CFAP299: variants seen among roughly 807,000 people sequenced by gnomAD.
CFAP299 encodes the protein cilia and flagella associated protein 299, also known as cilia- and flagella-associated protein 299.
CFAP299 carries 21 observed loss-of-function variants against 27.0 expected under a neutral mutation model. That is an observed-to-expected ratio of 0.78 (90% CI 0.55 to 1.12). The LOEUF (loss-of-function observed/expected upper bound fraction) is 1.12. CFAP299 is among the 50% of genes most tolerant of loss of function. The probability of loss-of-function intolerance (pLI) is 0.00; values close to 1 mark genes in which losing one functional copy is unlikely to be tolerated. For missense variants in CFAP299, 310 were observed against 276.6 expected, an observed-to-expected ratio of 1.12 and a Z score of -0.86; for synonymous variants, 104 against 98.1, an observed-to-expected ratio of 1.06 and a Z score of -0.36.
intron 3 of CFAP299, among the ~76,000 whole-genome samples, chr4:80,604,892 G>GA (rs56306966): frequency 0.01 from 1,522 of 145,670 alleles, 29 homozygotes; most frequent in African/African-American, 0.034. Flanking sequence ...TATAATACCA[G>GA]AAAAAAAAAA....
rs561587010 is a variant in CFAP299 at position 80,860,310 on chromosome 4, G to A, written c.334-9683G>A. Among the ~76,000 whole-genome samples the A allele has an allele frequency of 4.7e-3, 722 of 152,056 alleles. 8 individuals are homozygous for A. The highest frequency in any genetic ancestry group is 7.5e-3 in the Non-Finnish European group (510 of 68,002). On this transcript the variant is annotated intron_variant, in intron 3 of 5. Coordinates refer to ENST00000358105, the MANE Select transcript of CFAP299 (RefSeq NM_152770.3). ...TATTGGTTATTCTAGTTATACATTC[G>A]TCTAAATTTTTTTCAAAGTTTTTAA...
chr4:80,807,116 A>G (rs1471921074), intron 3 of CFAP299, among the ~76,000 whole-genome samples: 1 of 152,162 alleles, frequency 6.6e-6, no homozygotes, highest in Non-Finnish European at 1.5e-5. Flanking sequence ...ATGAACAGAA[A>G]TCTGCAGGTT....
intron 3 of CFAP299, among the ~76,000 whole-genome samples, chr4:80,837,222 C>T (rs1010892389): frequency 5.3e-5 from 8 of 152,018 alleles, no homozygotes; most frequent in Non-Finnish European, 1.0e-4. Flanking sequence ...ACCTGTAATT[C>T]TTCTTATAGT....
intron 3 of CFAP299, among the ~76,000 whole-genome samples, chr4:80,717,273 C>T (rs1722544279): frequency 6.6e-6 from 1 of 151,902 alleles, no homozygotes; most frequent in Non-Finnish European, 1.5e-5. Flanking sequence ...GGATGGTCTC[C>T]CTTTGTAAGT....
chr4:80,449,941 A>G (rs1728818540), intron 2 of CFAP299, among the ~76,000 whole-genome samples: 2 of 152,156 alleles, frequency 1.3e-5, no homozygotes, highest in African/African-American at 4.8e-5. Flanking sequence ...TAATTGAACT[A>G]CCTAATGGGA....
intron 4 of CFAP299, among the ~76,000 whole-genome samples, chr4:80,934,889 G>C (rs569271573): frequency 2.0e-5 from 3 of 151,504 alleles, no homozygotes; most frequent in Admixed American, 6.6e-5. Context: ...TTTCTTCTTT[G>C]ATCATTAGTG....
chr4:80,570,685 T>G (rs1161853821), intron 2 of CFAP299, among the ~76,000 whole-genome samples: 4 of 152,260 alleles, frequency 2.6e-5, no homozygotes, highest in African/African-American at 9.6e-5. Flanking sequence ...AACAAGTGGC[T>G]TTATTTTGTA....
At chr4:80,493,030 G>C (rs1000821799) in intron 2 of CFAP299, among the ~76,000 whole-genome samples, 1 of 152,076 alleles carries the variant, frequency 6.6e-6, no homozygotes, top group African/African-American at 2.4e-5. Flanking sequence ...GCCCTAGGAG[G>C]GGCAGCCTCT....
At chr4:80,901,610 C>A (rs956530607) in intron 4 of CFAP299, among the ~76,000 whole-genome samples, 1 of 152,042 alleles carries the variant, frequency 6.6e-6, no homozygotes, top group Non-Finnish European at 1.5e-5. Context: ...TAAAACCAGC[C>A]ACAATTGGGT....
At chr4:80,336,696 C>T (rs1409588813) in intron 1 of CFAP299, 1 of 152,194 alleles carries the variant, frequency 6.6e-6, no homozygotes, top group Non-Finnish European at 1.5e-5. Context: ...CCTAAAGTCC[C>T]AGTATATTCC....
intron 3 of CFAP299, among the ~76,000 whole-genome samples, chr4:80,630,314 A>G (rs550450854): frequency 3.1e-4 from 47 of 152,318 alleles, no homozygotes; most frequent in Admixed American, 1.4e-3. Context: ...TCATCATTCT[A>G]TATCTGTGAA....
chr4:80,381,379 C>CTTTT lies in CFAP299; in HGVS notation c.242+18495_242+18496insTTTT. ...TATTTATAATTACTCTTAACATATA[C>CTTTT]ATTTTTTTTTTTTTTTTTTTTTTTT... On this transcript the variant is annotated intron_variant, in intron 2 of 5. Transcript: ENST00000358105. Among the ~76,000 whole-genome samples, 12 of 6,046 alleles carry CTTTT rather than the reference C, an allele frequency of 2.0e-3. 4 individuals carry two copies. Among genetic ancestry groups the CTTTT allele is most frequent in the African/African-American group, 2.4e-3 (12 of 5,064 alleles). The allele number at this position is 6,046 out of a possible 152,430, so 4.0% of individuals were successfully genotyped here.
At chr4:80,899,250 G>A (rs1013799110) in intron 4 of CFAP299, among the ~76,000 whole-genome samples, 1 of 152,158 alleles carries the variant, frequency 6.6e-6, no homozygotes. Context: ...GAACATTTCC[G>A]ACTCTTAAAT....
chr4:80,435,372 C>T (rs1156637197), intron 2 of CFAP299, among the ~76,000 whole-genome samples: 5 of 152,156 alleles, frequency 3.3e-5, no homozygotes, highest in South Asian at 4.1e-4. Context: ...TTGAACACTA[C>T]GTTCAAATTA....
At chr4:80,716,446 G>A (rs1722490264) in intron 3 of CFAP299, among the ~76,000 whole-genome samples, 1 of 150,970 alleles carries the variant, frequency 6.6e-6, no homozygotes, top group African/African-American at 2.4e-5. Context: ...ATCAATTTGG[G>A]CTTCAGTTGA....
At chr4:80,574,257 C>T (rs183597914) in intron 2 of CFAP299, among the ~76,000 whole-genome samples, 4 of 151,984 alleles carry the variant, frequency 2.6e-5, no homozygotes, top group African/African-American at 9.6e-5. Flanking sequence ...TCAGATTATT[C>T]ACTTTTGATA....
chr4:80,661,771 A>G (rs528486193), intron 3 of CFAP299, among the ~76,000 whole-genome samples: 5 of 152,340 alleles, frequency 3.3e-5, no homozygotes, highest in African/African-American at 1.2e-4. Context: ...GGCAGAACAG[A>G]GCCATATTTC....
At chr4:80,801,425 T>C (rs1728593135) in intron 3 of CFAP299, among the ~76,000 whole-genome samples, 1 of 152,010 alleles carries the variant, frequency 6.6e-6, no homozygotes, top group Non-Finnish European at 1.5e-5. Context: ...TAGTGAAATA[T>C]CCTAGGAAGA....
At chr4:80,729,249 A>G (rs1723347052) in intron 3 of CFAP299, among the ~76,000 whole-genome samples, 1 of 152,182 alleles carries the variant, frequency 6.6e-6, no homozygotes, top group South Asian at 2.1e-4. Flanking sequence ...TGCTAATTCC[A>G]CAACCTCAAC....
Sources: allele counts gnomAD v4.1 joint callset (sites outside exome capture counted in the v4.1 genomes callset), GRCh38; gene constraint gnomAD v4.1.1; transcripts MANE v1.5; gene names NCBI Gene and HGNC (gene_info 2026-07-23, HGNC 2026-07-21).